DYNC2H1: variants seen among roughly 807,000 people sequenced by gnomAD.
DYNC2H1 encodes cytoplasmic dynein 2 heavy chain 1.
DYNC2H1 carries 410 observed loss-of-function variants against 570.0 expected under a neutral mutation model. That is an observed-to-expected ratio of 0.72 (90% CI 0.66 to 0.78). DYNC2H1 has a LOEUF of 0.78. Ranked by LOEUF, DYNC2H1 falls within the 30% of genes least tolerant of loss-of-function variation. The pLI, the probability that DYNC2H1 is intolerant of heterozygous loss-of-function variation, is 0.00. For missense variants in DYNC2H1, 4,865 were observed against 5,046.4 expected (o/e 0.96, Z 1.09); for synonymous variants, 1,688 against 1,677.6 (o/e 1.01, Z -0.15).
At chr11:103,136,447 T>C (rs1156744850) in intron 17 of DYNC2H1, among the ~76,000 whole-genome samples, 2 of 150,932 alleles carry the variant, frequency 1.3e-5, no homozygotes, top group Admixed American at 6.6e-5. Context: ...CATTGTTCAA[T>C]TCCCACCTAT....
intron 12 of DYNC2H1, among the ~76,000 whole-genome samples, chr11:103,128,077 A>G (rs976885626): frequency 1.3e-5 from 2 of 152,250 alleles, no homozygotes; most frequent in African/African-American, 4.8e-5. Flanking sequence ...AGGGAATGGC[A>G]GATGCAGAAT....
At chr11:103,301,038 C>G (rs1255289369) in intron 75 of DYNC2H1, among the ~76,000 whole-genome samples, 1 of 151,858 alleles carries the variant, frequency 6.6e-6, no homozygotes, top group Admixed American at 6.6e-5. Flanking sequence ...ATCATTAACA[C>G]TAATCATTGT....
chr11:103,347,186 C>T (rs556949011), intron 82 of DYNC2H1, among the ~76,000 whole-genome samples: 16 of 152,246 alleles, frequency 1.1e-4, no homozygotes, highest in African/African-American at 3.1e-4. Flanking sequence ...TGCAAGATAA[C>T]GAACTCAGTT....
Position 103,259,796 on chromosome 11 carries a change from C to G in DYNC2H1, c.10606-92C>G, listed in dbSNP as rs1313043873. On this transcript the variant is annotated intron_variant, in intron 69 of 88. Coordinates refer to ENST00000375735, the MANE Select transcript of DYNC2H1 (RefSeq NM_001377.3). ...ATTTGATGGTTAAAGATACTTGTTT[C>G]AGAATCAGCTTTGAATCTGGAGGAA... The G allele has an allele frequency of 3.7e-6, 3 of 801,262 alleles. No individual in the cohort carries two copies. The African/African-American group carries it at 5.4e-5, about 14-fold the overall frequency. 49.6% of individuals were successfully genotyped at this position (801,262 alleles called of 1,614,324 possible). A position where few individuals can be genotyped will look rare whatever the true frequency, so the allele number is the denominator to read the frequency against.
intron 55 of DYNC2H1, among the ~76,000 whole-genome samples, chr11:103,216,246 T>C (rs646165): frequency 0.93 from 141,860 of 152,196 alleles, 66,145 homozygotes; most frequent in African/African-American, 0.94. Flanking sequence ...ATTTATGAAA[T>C]GTTTTTATTC....
In DYNC2H1 at chr11:103,235,742, A is replaced by G. The variant is rs923729821; in HGVS notation, c.9638A>G (p.Tyr3213Cys). Residue 3213 changes from tyrosine to cysteine, a missense_variant, in exon 62 of 89, where the codon TAT (tyrosine) becomes TGT (cysteine). Physicochemically the swap from Tyr to Cys is radical, Grantham distance 194. Coordinates refer to ENST00000375735, the MANE Select transcript of DYNC2H1 (RefSeq NM_001377.3). ...RAQLAAAFIT[Y>C]LSAAPESLRK... ...CAACTTGCTGCTGCATTTATTACATATCTTTCTGCTGCTCCTGAATCTCTG... is the reference window on the plus strand; with the variant it reads ...CAACTTGCTGCTGCATTTATTACATGTCTTTCTGCTGCTCCTGAATCTCTG... 6.2e-6 allele frequency: 10 copies of G among 1,611,692 alleles called. No homozygotes were observed. The highest frequency in any genetic ancestry group is 8.5e-6 in the Non-Finnish European group (10 of 1,178,584).
rs747302325 is a variant in DYNC2H1, at chr11:103,363,612, A to T, written c.12156+5253A>T. On this transcript the variant is annotated intron_variant, in intron 83 of 88. Coordinates refer to ENST00000375735, the MANE Select transcript of DYNC2H1 (RefSeq NM_001377.3). The surrounding 1 kb of genome is among the most constrained non-coding windows in gnomAD (Gnocchi z 5.6). ...ATCTTTTAACAGCTAGAATTTTAGA[A>T]TTTTCCTGTTAGGGATCATTAGGAA... Among the ~76,000 whole-genome samples, 2 of 152,174 alleles carry T rather than the reference A, an allele frequency of 1.3e-5. No individual in the cohort carries two copies. The highest frequency in any genetic ancestry group is 2.9e-5 in the Non-Finnish European group (2 of 68,016).
chr11:103,446,451 A>G lies in DYNC2H1; in HGVS notation c.12457-8735A>G, dbSNP rs1591768729. 6.6e-6 allele frequency among the ~76,000 whole-genome samples: 1 copy of G among 152,214 alleles called. No individual in the cohort carries two copies. The highest frequency in any genetic ancestry group is 1.9e-4 in the East Asian group (1 of 5,200). On this transcript the variant is annotated intron_variant, in intron 85 of 88. Coordinates refer to ENST00000375735, the MANE Select transcript of DYNC2H1 (RefSeq NM_001377.3). This position sits in a 1 kb window ranked among gnomAD's most constrained non-coding sequence, Gnocchi z 4.5. ...TCAAATGCTGTAAGTGAGGTTAGAG[A>G]AAAATCATGTTTGGCAACATGGAAG... is the stretch of plus-strand genomic sequence containing the variant.
intron 70 of DYNC2H1, among the ~76,000 whole-genome samples, chr11:103,266,739 C>T (rs1327119224): frequency 3.3e-5 from 5 of 152,098 alleles, no homozygotes; most frequent in Non-Finnish European, 7.4e-5. Flanking sequence ...TCTGCTGGAG[C>T]TGTCTGCCAG....
chr11:103,156,437 G>A lies in DYNC2H1; in HGVS notation c.3794G>A (p.Arg1265His), dbSNP rs200635842. 2.4e-4 allele frequency: 387 copies of A among 1,613,632 alleles called. No homozygotes were observed. Among genetic ancestry groups the A allele is most frequent in the Admixed American group, 3.8e-4 (23 of 59,984 alleles). ...QGEVTIREALRELDLWGVGAV... is the reference protein window; with the variant it reads ...QGEVTIREALHELDLWGVGAV... ...GAAGTTACAATCAGAGAAGCTTTAC[G>A]TGAACTTGATCTTTGGGGAGTTGGA... Residue 1265 changes from arginine to histidine, a missense_variant, in exon 26 of 89, where the codon CGT (arginine) becomes CAT (histidine). Coordinates refer to ENST00000375735, the MANE Select transcript of DYNC2H1 (RefSeq NM_001377.3).
At chr11:103,168,692 A>G (rs1861436068) in intron 31 of DYNC2H1, 63 bp from the exon 32 acceptor site, 6 of 1,518,650 alleles carry the variant, frequency 4.0e-6, no homozygotes, top group Non-Finnish European at 5.4e-6. Flanking sequence ...ACACGTAATC[A>G]TAAATTATAT....
rs1173805633 is a variant in DYNC2H1 at position 103,369,242 on chromosome 11, C to T, written c.12156+10883C>T. On this transcript the variant is annotated intron_variant, in intron 83 of 88. Coordinates refer to ENST00000375735, the MANE Select transcript of DYNC2H1 (RefSeq NM_001377.3). This position sits in a 1 kb window ranked among gnomAD's most constrained non-coding sequence, Gnocchi z 4.0. ...AACAGAAAACAAAATGGCTGACACC[C>T]ACCCTCAGAAGGATAATTTAAACCA... Among the ~76,000 whole-genome samples the T allele has an allele frequency of 6.6e-6, 1 of 152,142 alleles. No homozygotes were observed. The highest frequency in any genetic ancestry group is 1.5e-5 in the Non-Finnish European group (1 of 68,026).
chr11:103,141,366 T>C (rs192723508), intron 17 of DYNC2H1, among the ~76,000 whole-genome samples: 1 of 152,354 alleles, frequency 6.6e-6, no homozygotes, highest in East Asian at 1.9e-4. Context: ...GATGGTGATG[T>C]ACAGATGGGT....
At chr11:103,223,307 T>G (rs1200046681) in intron 59 of DYNC2H1, among the ~76,000 whole-genome samples, 3 of 152,186 alleles carry the variant, frequency 2.0e-5, no homozygotes, top group African/African-American at 7.2e-5. Context: ...TTTACCATTA[T>G]TATATTGTTG....
rs905408577 is a variant in DYNC2H1 at position 103,243,302 on chromosome 11, TAGATAAATAGAG to T, written c.9820-389_9820-378del. On this transcript the variant is annotated intron_variant, in intron 63 of 88. Coordinates refer to ENST00000375735, the MANE Select transcript of DYNC2H1 (RefSeq NM_001377.3). This position sits in a 1 kb window ranked among gnomAD's most constrained non-coding sequence, Gnocchi z 4.8. ...ATAGATAGATAGATAGATAGATAGA[TAGATAAATAGAG>T]AATAATTTGACTGTGTATTATAAAA... 2.3e-4 allele frequency among the ~76,000 whole-genome samples: 13 copies of T among 56,110 alleles called. No individual in the cohort carries two copies. The highest frequency in any genetic ancestry group is 1.1e-3 in the African/African-American group (13 of 11,802). The allele number at this position is 56,110 out of a possible 152,430, so 36.8% of individuals were successfully genotyped here.
rs1860822552 is a variant in DYNC2H1 at position 103,156,402 on chromosome 11, G to C, written c.3759G>C (p.Arg1253=). ...GTGTTAAATAGGATTTAAATAGTCG[G>C]GCACAAGGTGAAGTTACAATCAGAG... ...KAADLKDLNS[R]AQGEVTIREA... Residue 1253 remains arginine (R), a synonymous_variant, in exon 26 of 89, where the codon CGG becomes CGC. Transcript: ENST00000375735. 1.9e-6 allele frequency: 3 copies of C among 1,613,144 alleles called. No homozygotes were observed. The highest frequency in any genetic ancestry group is 2.5e-6 in the Non-Finnish European group (3 of 1,179,558).
intron 30 of DYNC2H1, among the ~76,000 whole-genome samples, chr11:103,165,539 G>A (rs1330393178): frequency 6.6e-6 from 1 of 152,190 alleles, no homozygotes; most frequent in Non-Finnish European, 1.5e-5. Flanking sequence ...TAATTAGAAT[G>A]CATCATACTT....
chr11:103,113,211 T>A (rs1002953247), intron 1 of DYNC2H1, among the ~76,000 whole-genome samples: 1 of 152,204 alleles, frequency 6.6e-6, no homozygotes, highest in African/African-American at 2.4e-5. Flanking sequence ...TATTACTGAT[T>A]CTGGCTAGAA....
rs906430994 is a variant in DYNC2H1, at chr11:103,241,219, A to G, written c.9820-2474A>G. 6.6e-6 allele frequency among the ~76,000 whole-genome samples: 1 copy of G among 152,182 alleles called. No homozygotes were observed. Among genetic ancestry groups the G allele is most frequent in the Non-Finnish European group, 1.5e-5 (1 of 68,026 alleles). ...TGAGGTTAAGGGAATGTATTTTCTT[A>G]ATTTCTGTACTCCTTGTACTATCTT... On this transcript the variant is annotated intron_variant, in intron 63 of 88. Transcript: ENST00000375735. This position sits in a 1 kb window ranked among gnomAD's most constrained non-coding sequence, Gnocchi z 5.1.
Sources: gnomAD v4.1 joint callset for allele counts (sites outside exome capture counted in the v4.1 genomes callset) on GRCh38, gnomAD v4.1.1 for gene constraint, Gnocchi (gnomAD v3.1) non-coding constraint, MANE v1.5 for transcripts, NCBI Gene and HGNC (gene_info 2026-07-23, HGNC 2026-07-21) for gene names.